Variants in EPB41L4A observed in about 807,000 individuals in gnomAD.
The protein encoded by EPB41L4A is band 4.1-like protein 4A.
A neutral mutation model predicts 108.6 loss-of-function variants in EPB41L4A; 100 were observed. That is an observed-to-expected ratio of 0.92 (90% confidence interval 0.78 to 1.09). EPB41L4A has a LOEUF of 1.09. Ranked by LOEUF, EPB41L4A falls within the 50% of genes least tolerant of loss-of-function variation. The pLI is 0.00. For missense variants in EPB41L4A, 1,030 were observed against 842.7 expected (o/e 1.22, Z -2.75); for synonymous variants, 319 against 289.0 (o/e 1.10, Z -1.05).
At chr5:112,223,365 A>G (rs896695734) in intron 12 of EPB41L4A, among the ~76,000 whole-genome samples, 2 of 152,180 alleles carry the variant, frequency 1.3e-5, no homozygotes, top group African/African-American at 2.4e-5. Flanking sequence ...ACTTATGGCC[A>G]AACAGAGCCA....
intron 18 of EPB41L4A, among the ~76,000 whole-genome samples, chr5:112,178,286 C>T (rs1433756183): frequency 6.6e-6 from 1 of 152,052 alleles, no homozygotes; most frequent in Non-Finnish European, 1.5e-5. Context: ...CACCTAACAC[C>T]AGAGCTTCAA....
intron 12 of EPB41L4A, among the ~76,000 whole-genome samples, chr5:112,229,846 G>C (rs1388635939): frequency 6.6e-6 from 1 of 152,008 alleles, no homozygotes; most frequent in Non-Finnish European, 1.5e-5. Flanking sequence ...AAGTTAGCCA[G>C]GCATGGTGGT....
At chr5:112,250,475 T>C (rs1054521436) in intron 9 of EPB41L4A, 8 of 152,196 alleles carry the variant, frequency 5.3e-5, no homozygotes, top group African/African-American at 1.7e-4. Flanking sequence ...TACTTGCAGA[T>C]TGATTTAATT....
At chr5:112,166,035 CAGA>C (rs1344702576) in intron 22 of EPB41L4A, among the ~76,000 whole-genome samples, 2 of 152,144 alleles carry the variant, frequency 1.3e-5, no homozygotes, top group African/African-American at 4.8e-5. Context: ...GAGAATACAG[CAGA>C]AGAATTACCA....
At chr5:112,338,037 C>G (rs1023330278) in intron 1 of EPB41L4A, among the ~76,000 whole-genome samples, 7 of 152,158 alleles carry the variant, frequency 4.6e-5, no homozygotes, top group Admixed American at 3.3e-4. Flanking sequence ...AGGTTCAGGT[C>G]AGGCCTTCAA....
At chr5:112,298,966 T>C (rs1377652742) in intron 2 of EPB41L4A, among the ~76,000 whole-genome samples, 2 of 152,234 alleles carry the variant, frequency 1.3e-5, no homozygotes, top group African/African-American at 2.4e-5. Flanking sequence ...AATGATCTTT[T>C]GTATTTCTGT....
At chr5:112,351,509 T>A (rs928512564) in intron 1 of EPB41L4A, among the ~76,000 whole-genome samples, 3 of 152,172 alleles carry the variant, frequency 2.0e-5, no homozygotes, top group South Asian at 2.1e-4. Context: ...CAGGCCTGGA[T>A]GGTTTTACTG....
chr5:112,311,753 T>C (rs1202890398), intron 1 of EPB41L4A, among the ~76,000 whole-genome samples: 5 of 152,322 alleles, frequency 3.3e-5, no homozygotes, highest in South Asian at 2.1e-4. Flanking sequence ...ACTTTCCAGG[T>C]TACTGTAGAA....
chr5:112,194,952 CG>C (rs1287483998), intron 16 of EPB41L4A, among the ~76,000 whole-genome samples: 10 of 152,138 alleles, frequency 6.6e-5, no homozygotes, highest in Non-Finnish European at 4.4e-5. Flanking sequence ...ATGGCAAAGC[CG>C]TAAGTCGGTG....
At chr5:112,197,161 A>G (rs973214694) in intron 15 of EPB41L4A, among the ~76,000 whole-genome samples, 1 of 152,088 alleles carries the variant, frequency 6.6e-6, no homozygotes, top group African/African-American at 2.4e-5. Flanking sequence ...TTTACAAGCT[A>G]TTAACTTTTT....
intron 1 of EPB41L4A, among the ~76,000 whole-genome samples, chr5:112,363,865 T>C (rs1580764207): frequency 6.6e-6 from 1 of 152,240 alleles, no homozygotes; most frequent in Non-Finnish European, 1.5e-5. Flanking sequence ...ACTTAAACAC[T>C]GAAACCATTC....
intron 12 of EPB41L4A, among the ~76,000 whole-genome samples, chr5:112,217,534 CAA>C (rs1222138102): frequency 4.6e-5 from 7 of 151,880 alleles, no homozygotes; most frequent in African/African-American, 7.3e-5. Context: ...CCTATCTCTA[CAA>C]AAAAAGTTTT....
intron 1 of EPB41L4A, among the ~76,000 whole-genome samples, chr5:112,339,002 G>C (rs2839826): frequency 1.3e-5 from 2 of 152,026 alleles, no homozygotes; most frequent in South Asian, 4.1e-4. Context: ...GGCACTCAGA[G>C]AACATTTGTA....
intron 1 of EPB41L4A, among the ~76,000 whole-genome samples, chr5:112,370,314 G>C (rs778598021): frequency 2.6e-5 from 4 of 151,594 alleles, no homozygotes; most frequent in Non-Finnish European, 4.4e-5. Flanking sequence ...TGGGATTACA[G>C]GTGTGAGCCA....
At chr5:112,155,198 C>G (rs941184717) in intron 12 of EPB41L4A, among the ~76,000 whole-genome samples, 4 of 152,108 alleles carry the variant, frequency 2.6e-5, no homozygotes, top group African/African-American at 9.7e-5. Context: ...CTTTATAAAG[C>G]TAGTACAGGC....
At chr5:112,148,389 A>G (rs1759344770) in intron 12 of EPB41L4A, among the ~76,000 whole-genome samples, 1 of 151,682 alleles carries the variant, frequency 6.6e-6, no homozygotes, top group Admixed American at 6.6e-5. Flanking sequence ...TCTTTTAATT[A>G]CATTTATTAT....
chr5:112,251,877 A>G lies in EPB41L4A; in HGVS notation c.795+7352T>C, dbSNP rs117221360. Among the ~76,000 whole-genome samples the G allele has an allele frequency of 2.8e-4, 43 of 152,268 alleles. No individual in the cohort carries two copies. The East Asian group carries it at 8.3e-3, about 29-fold the overall frequency. On this transcript the variant is annotated intron_variant, in intron 9 of 22. Coordinates refer to ENST00000261486, the MANE Select transcript of EPB41L4A (RefSeq NM_022140.5). Reference sequence around the variant, plus strand: ...AAGACATGAATGATAAGAAGGAGAGAAGGGAGGACCAATCCAAGTAAATTT... The same window carrying G: ...AAGACATGAATGATAAGAAGGAGAGGAGGGAGGACCAATCCAAGTAAATTT...
At chr5:112,408,625 T>C (rs1021555195) in intron 1 of EPB41L4A, among the ~76,000 whole-genome samples, 6 of 122,448 alleles carry the variant, frequency 4.9e-5, no homozygotes, top group African/African-American at 1.6e-4. Context: ...GGAGAATCAG[T>C]TGAGGCCAGG....
At chr5:112,232,129 AG>A (rs777726817) in intron 12 of EPB41L4A, among the ~76,000 whole-genome samples, 5,309 of 137,400 alleles carry the variant, frequency 0.039, 343 homozygotes, top group East Asian at 0.24. Flanking sequence ...AAAAAAAAAA[AG>A]AGAGAGAGAG....
Sources: gnomAD v4.1 joint callset for allele counts (sites outside exome capture counted in the v4.1 genomes callset) on GRCh38, gnomAD v4.1.1 for gene constraint, MANE v1.5 for transcripts, NCBI Gene and HGNC (gene_info 2026-07-23, HGNC 2026-07-21) for gene names.